The following ZBTB46 variants were observed in gnomAD, a reference collection of about 807,000 sequenced individuals.
ZBTB46 encodes the protein zinc finger and BTB domain-containing protein 46.
ZBTB46 carries 8 observed loss-of-function variants against 44.1 expected under a neutral mutation model. The ratio of observed to expected loss-of-function variants is 0.18; its 90% CI spans 0.11 to 0.33. ZBTB46 has a LOEUF of 0.33. Among genes scored for constraint, ZBTB46 ranks in the 10% least tolerant of loss-of-function variants. The pLI, the probability that ZBTB46 is intolerant of heterozygous loss-of-function variation, is 1.00. For missense variants in ZBTB46, 651 were observed against 847.7 expected (o/e 0.77, Z 2.88); for synonymous variants, 409 against 382.3 (o/e 1.07, Z -0.81).
chr20:63,819,645 A>C (rs4809363), intron 1 of ZBTB46, among the ~76,000 whole-genome samples: 3 of 152,188 alleles, frequency 2.0e-5, no homozygotes, highest in Non-Finnish European at 4.4e-5. Context: ...GGATTAAAAC[A>C]ACCACTTCTC....
Position 63,790,364 on chromosome 20 carries a change from T to C in ZBTB46, c.394A>G (p.Ser132Gly). The stretch of plus-strand genomic sequence containing the variant: ...TCATCTGAGGCGTCCGACTTGATGC[T>C]GATGTCCAGCGCCGCCTTGATGAAG... ...HDFIKAALDI[S>G]IKSDASDELA... is the part of the protein sequence containing the mutation. The change falls in exon 2 of 5, where the codon AGC (serine) becomes GGC (glycine). Residue 132 changes from serine to glycine, a missense_variant. Around this residue, in one of 5 missense-constraint regions of ZBTB46, gnomAD observed 385 missense variants for 423.3 expected, o/e 0.91. Transcript: ENST00000245663. The C allele has an allele frequency of 6.2e-7, 1 of 1,613,216 alleles. No homozygotes were observed.
chr20:63,763,153 C>T (rs1045315908), intron 3 of ZBTB46, among the ~76,000 whole-genome samples: 1 of 152,206 alleles, frequency 6.6e-6, no homozygotes, highest in Non-Finnish European at 1.5e-5. Context: ...AGCCACTGTA[C>T]CCAGCCAATA....
chr20:63,822,456 G>A (rs143755050), intron 1 of ZBTB46, among the ~76,000 whole-genome samples: 32 of 152,290 alleles, frequency 2.1e-4, no homozygotes, highest in Middle Eastern at 6.8e-3. Context: ...TCTAGGCCCC[G>A]ACAAAGGAGC....
In ZBTB46 at chr20:63,769,533, C is replaced by T. The variant is rs1017230250; in HGVS notation, c.1222+6145G>A. 1.1e-5 allele frequency: 9 copies of T among 812,566 alleles called. No individual in the cohort carries two copies. In the Admixed American group the frequency reaches 1.9e-4, roughly 17 times the overall value. 50.3% of individuals were successfully genotyped at this position (812,566 alleles called of 1,614,324 possible). A position where few individuals can be genotyped will look rare whatever the true frequency, so the allele number is the denominator to read the frequency against. ...GTCTCGCTGGAGGCAGGTGTTTGAACGCTTTGATCAGCTGGCCAACCCCAA... is the reference window on the plus strand; with the variant it reads ...GTCTCGCTGGAGGCAGGTGTTTGAATGCTTTGATCAGCTGGCCAACCCCAA... On this transcript the variant is annotated intron_variant, in intron 3 of 4. Coordinates refer to ENST00000245663, the MANE Select transcript of ZBTB46 (RefSeq NM_001369741.1).
At chr20:63,814,523 C>G (rs187393462) in intron 1 of ZBTB46, among the ~76,000 whole-genome samples, 38 of 152,320 alleles carry the variant, frequency 2.5e-4, no homozygotes, top group Non-Finnish European at 4.7e-4. Flanking sequence ...GCAGCCCCAC[C>G]CCTCAACAGG....
In ZBTB46 at chr20:63,745,680, G is replaced by A. The variant is rs1390050312; in HGVS notation, c.*1250C>T. On this transcript the variant is annotated 3_prime_UTR_variant, in exon 5 of 5. Transcript: ENST00000245663. ...GAAGGATGGAATGTCCTCATGGTGAGTGCTGTCAGAGGCAGGCCTGAACGA... is the reference window on the plus strand; with the variant it reads ...GAAGGATGGAATGTCCTCATGGTGAATGCTGTCAGAGGCAGGCCTGAACGA... The A allele has an allele frequency of 6.6e-6, 1 of 152,354 alleles. No homozygotes were observed. Among genetic ancestry groups the A allele is most frequent in the Non-Finnish European group, 1.5e-5 (1 of 68,072 alleles). 9.4% of individuals were successfully genotyped at this position (152,354 alleles called of 1,614,324 possible). A position where few individuals can be genotyped will look rare whatever the true frequency, so the allele number is the denominator to read the frequency against.
chr20:63,752,333 A>T lies in ZBTB46; in HGVS notation c.1398+353T>A, dbSNP rs2092175876. Among the ~76,000 whole-genome samples the T allele has an allele frequency of 6.6e-6, 1 of 151,714 alleles. No individual in the cohort carries two copies. Among genetic ancestry groups the T allele is most frequent in the Non-Finnish European group, 1.5e-5 (1 of 67,872 alleles). On this transcript the variant is annotated intron_variant, in intron 4 of 4. Transcript: ENST00000245663. This position sits in a 1 kb window ranked among gnomAD's most constrained non-coding sequence, Gnocchi z 5.6. ...TGCAGACAGGTCGGCAGGCACAAGGACAGGGTTCTCCCTCCCGAGGCAGGG... is the reference window on the plus strand; with the variant it reads ...TGCAGACAGGTCGGCAGGCACAAGGTCAGGGTTCTCCCTCCCGAGGCAGGG...
intron 2 of ZBTB46, 147 bp from the exon 3 acceptor site, chr20:63,776,109 C>T (rs2092423841): frequency 1.9e-6 from 2 of 1,058,040 alleles, no homozygotes; most frequent in Non-Finnish European, 1.3e-6. Flanking sequence ...GAGCCGGGCA[C>T]CTGCCCCAGC....
chr20:63,790,886 T>C (rs2092555884), intron 1 of ZBTB46, 96 bp from the exon 2 acceptor site: 2 of 1,433,740 alleles, frequency 1.4e-6, no homozygotes, highest in East Asian at 2.5e-5. Flanking sequence ...GGGCACAGAG[T>C]GCGGCCAGTG....
At chr20:63,818,974 ACCG>A (rs997517275) in intron 1 of ZBTB46, among the ~76,000 whole-genome samples, 16 of 151,496 alleles carry the variant, frequency 1.1e-4, no homozygotes, top group Admixed American at 4.0e-4. Flanking sequence ...GGAGTTCAAG[ACCG>A]CCTGACCAAC....
intron 1 of ZBTB46, among the ~76,000 whole-genome samples, chr20:63,829,963 C>T (rs1289062524): frequency 2.0e-5 from 3 of 152,212 alleles, no homozygotes; most frequent in Non-Finnish European, 4.4e-5. Context: ...GCGCTAAACA[C>T]GTTTCTAATT....
chr20:63,782,596 T>C (rs2092479935), intron 2 of ZBTB46, among the ~76,000 whole-genome samples: 1 of 152,144 alleles, frequency 6.6e-6, no homozygotes, highest in African/African-American at 2.4e-5. Context: ...AAAAGACACC[T>C]GCAGGAGAGC....
upstream of ZBTB46, among the ~76,000 whole-genome samples, chr20:63,831,909 G>C (rs2092854372): frequency 2.0e-5 from 3 of 151,870 alleles, no homozygotes; most frequent in Admixed American, 2.0e-4. Context: ...GCCGCCCGGG[G>C]TGCGGGGTCT....
chr20:63,781,512 C>A (rs1222038660), intron 2 of ZBTB46, among the ~76,000 whole-genome samples: 1 of 152,216 alleles, frequency 6.6e-6, no homozygotes, highest in Non-Finnish European at 1.5e-5. Flanking sequence ...ATAGAGAAGC[C>A]AGGTGTGGCG....
intron 1 of ZBTB46, among the ~76,000 whole-genome samples, chr20:63,801,854 C>T (rs760714606): frequency 4.6e-5 from 7 of 152,178 alleles, no homozygotes; most frequent in Non-Finnish European, 5.9e-5. Flanking sequence ...CCAAAGCCAC[C>T]GGCAGCTCCA....
chr20:63,752,477 T>C lies in ZBTB46; in HGVS notation c.1398+209A>G, dbSNP rs2092177610. ...GGTGAGCAGGGTGGGCCGAAGCCTC[T>C]GCAGGGGCCATGTGGCCCAGCCACA... On this transcript the variant is annotated intron_variant, in intron 4 of 4. Transcript: ENST00000245663. This position sits in a 1 kb window ranked among gnomAD's most constrained non-coding sequence, Gnocchi z 5.6. Among the ~76,000 whole-genome samples, 3 of 152,048 alleles carry C rather than the reference T, an allele frequency of 2.0e-5. No individual in the cohort carries two copies. The highest frequency in any genetic ancestry group is 4.1e-4 in the South Asian group (2 of 4,822).
intron 3 of ZBTB46, among the ~76,000 whole-genome samples, chr20:63,773,703 G>A (rs959419651): frequency 6.6e-6 from 1 of 151,944 alleles, no homozygotes; most frequent in Admixed American, 6.5e-5. Context: ...CGGAGGGGAG[G>A]GTAGTGAGGG....
At chr20:63,822,163 C>T (rs1223393302) in intron 1 of ZBTB46, among the ~76,000 whole-genome samples, 1 of 152,190 alleles carries the variant, frequency 6.6e-6, no homozygotes, top group Non-Finnish European at 1.5e-5. Flanking sequence ...CGATACACTC[C>T]CGAAACAGGC....
At chr20:63,800,677 C>G (rs11906517) in intron 1 of ZBTB46, among the ~76,000 whole-genome samples, 27,362 of 152,174 alleles carry the variant, frequency 0.18, 2,978 homozygotes, top group East Asian at 0.45. Flanking sequence ...CAATGAGGGG[C>G]TTAGCACCCG....
Sources: allele counts gnomAD v4.1 joint callset (sites outside exome capture counted in the v4.1 genomes callset), GRCh38; gene constraint gnomAD v4.1.1; regional missense constraint gnomAD v4.1.1; non-coding constraint Gnocchi (gnomAD v3.1); transcripts MANE v1.5; gene names NCBI Gene and HGNC (gene_info 2026-07-23, HGNC 2026-07-21).